The following AUTS2 variants were observed in gnomAD, a reference collection of about 807,000 sequenced individuals.
The protein encoded by AUTS2 is autism susceptibility gene 2 protein.
A neutral mutation model predicts 112.4 loss-of-function variants in AUTS2; 17 were observed. The ratio of observed to expected loss-of-function variants is 0.15; its 90% CI spans 0.10 to 0.23. The LOEUF (loss-of-function observed/expected upper bound fraction) is 0.23, where lower values mean the gene tolerates loss of function less well. Ranked by LOEUF, AUTS2 falls within the 10% of genes least tolerant of loss-of-function variation. AUTS2 has a pLI of 1.00. For synonymous variants in AUTS2, 751 were observed against 702.7 expected (o/e 1.07, Z -1.09); for missense variants, 1,510 against 1,701.6 (o/e 0.89, Z 1.98).
chr7:70,084,692 G>GT (rs1371711596), intron 2 of AUTS2, among the ~76,000 whole-genome samples: 3 of 151,968 alleles, frequency 2.0e-5, no homozygotes, highest in African/African-American at 7.3e-5. Context: ...GGTGAATTCT[G>GT]TTTATATCTT....
Position 70,764,891 on chromosome 7 carries a change from G to A in AUTS2, c.1354G>A (p.Ala452Thr), listed in dbSNP as rs749176066. 1.5e-4 allele frequency: 69 copies of A among 456,676 alleles called. No individual in the cohort carries two copies. The highest frequency in any genetic ancestry group is 1.8e-4 in the Non-Finnish European group (58 of 328,684). 28.3% of individuals were successfully genotyped at this position (456,676 alleles called of 1,614,324 possible). A position where few individuals can be genotyped will look rare whatever the true frequency, so the allele number is the denominator to read the frequency against. ...CTTCACACCCACCCTCCAGCCCCCC[G>A]CACACTCACATCACCCCAATATGTT... is the stretch of plus-strand genomic sequence containing the variant. Reference protein sequence around the residue: ...HSFTPTLQPPAHSHHPNMFAP... With the variant: ...HSFTPTLQPPTHSHHPNMFAP... The change falls in exon 8 of 19, where the codon GCA (alanine) becomes ACA (threonine). Residue 452 changes from alanine to threonine, a missense_variant. By Grantham distance (58) the Ala-to-Thr change is moderately conservative (BLOSUM62 0). Coordinates refer to ENST00000342771, the MANE Select transcript of AUTS2 (RefSeq NM_015570.4).
intron 4 of AUTS2, among the ~76,000 whole-genome samples, chr7:70,220,721 C>T (rs1409532791): frequency 6.6e-6 from 1 of 152,076 alleles, no homozygotes; most frequent in African/African-American, 2.4e-5. Flanking sequence ...CATAATGCCT[C>T]CTTTTAGAGG....
intron 2 of AUTS2, among the ~76,000 whole-genome samples, chr7:70,074,135 A>G (rs1802914297): frequency 6.6e-6 from 1 of 152,234 alleles, no homozygotes; most frequent in Non-Finnish European, 1.5e-5. Context: ...TACTTGGCAG[A>G]ATTGTTTGTC....
intron 4 of AUTS2, among the ~76,000 whole-genome samples, chr7:70,212,296 A>G (rs1372667980): frequency 6.6e-6 from 1 of 152,198 alleles, no homozygotes; most frequent in Non-Finnish European, 1.5e-5. Flanking sequence ...CTTTTTCCGC[A>G]GTACAGGGAG....
chr7:70,688,465 G>T (rs376708245), intron 5 of AUTS2, among the ~76,000 whole-genome samples: 1 of 152,290 alleles, frequency 6.6e-6, no homozygotes, highest in East Asian at 1.9e-4. Flanking sequence ...GCAAGACACA[G>T]TCCTTGGATA....
chr7:70,779,551 G>T lies in AUTS2; in HGVS notation c.2005-2064G>T, dbSNP rs57759557. Among the ~76,000 whole-genome samples the T allele has an allele frequency of 6.6e-3, 1,005 of 152,314 alleles. 13 individuals are homozygous for T. Among genetic ancestry groups the T allele is most frequent in the African/African-American group, 0.023 (938 of 41,556 alleles). ...GGTGATGGGTGAGTGGGACGTTGCC[G>T]TCAGCAGTAAGAGAACAGCAGACTT... On this transcript the variant is annotated intron_variant, in intron 14 of 18. Transcript: ENST00000342771.
intron 5 of AUTS2, among the ~76,000 whole-genome samples, chr7:70,544,364 A>G (rs1800682103): frequency 1.3e-5 from 2 of 152,236 alleles, no homozygotes; most frequent in South Asian, 2.1e-4. Flanking sequence ...CCAAAATACA[A>G]GAGTGAAAAC....
In AUTS2 at chr7:70,246,055, ACTTTTT is replaced by A. The variant is rs559551661; in HGVS notation, c.660+111488_660+111493del. The stretch of plus-strand genomic sequence containing the variant: ...ATCTATGTCTTTATTTTAATGTTGA[ACTTTTT>A]CTTATTCAGTTATAAGAGTGCTTTA... On this transcript the variant is annotated intron_variant, in intron 4 of 18. Coordinates refer to ENST00000342771, the MANE Select transcript of AUTS2 (RefSeq NM_015570.4). Among the ~76,000 whole-genome samples the A allele has an allele frequency of 1.7e-3, 253 of 152,030 alleles. 2 individuals carry two copies. Among genetic ancestry groups the A allele is most frequent in the Non-Finnish European group, 2.7e-3 (183 of 67,930 alleles).
intron 1 of AUTS2, among the ~76,000 whole-genome samples, chr7:69,818,178 G>A (rs577041589): frequency 6.6e-6 from 1 of 152,210 alleles, no homozygotes; most frequent in Non-Finnish European, 1.5e-5. Context: ...TGGTCCGTCA[G>A]AAACTAAGGT....
At chr7:69,702,440 G>C (rs1399891667) in intron 1 of AUTS2, among the ~76,000 whole-genome samples, 1 of 152,110 alleles carries the variant, frequency 6.6e-6, no homozygotes, top group African/African-American at 2.4e-5. Context: ...ACATACTTAG[G>C]GTCTGTAGGG....
At chr7:69,952,293 T>A (rs1797057286) in intron 2 of AUTS2, among the ~76,000 whole-genome samples, 1 of 152,194 alleles carries the variant, frequency 6.6e-6, no homozygotes, top group African/African-American at 2.4e-5. Context: ...AAGTAATTAA[T>A]GCTGAACATT....
chr7:69,797,650 T>C (rs1789905644), intron 1 of AUTS2, among the ~76,000 whole-genome samples: 1 of 152,182 alleles, frequency 6.6e-6, no homozygotes, highest in South Asian at 2.1e-4. Flanking sequence ...TGTGGGCTCT[T>C]GGCAGCCTCA....
intron 4 of AUTS2, among the ~76,000 whole-genome samples, chr7:70,324,929 C>CA (rs1790417614): frequency 6.6e-6 from 1 of 151,992 alleles, no homozygotes; most frequent in African/African-American, 2.4e-5. Flanking sequence ...ATTTTAGAGT[C>CA]AAAAAGACCC....
chr7:70,545,130 G>C (rs1245875896), intron 5 of AUTS2, among the ~76,000 whole-genome samples: 1 of 152,154 alleles, frequency 6.6e-6, no homozygotes, highest in East Asian at 1.9e-4. Flanking sequence ...TTCAAGTCTA[G>C]AAGAACTGTC....
chr7:69,979,685 C>A (rs995977205), intron 2 of AUTS2, among the ~76,000 whole-genome samples: 6 of 152,150 alleles, frequency 3.9e-5, no homozygotes, highest in Non-Finnish European at 5.9e-5. Flanking sequence ...GAAGAGTATG[C>A]AGTGCATCAA....
intron 5 of AUTS2, among the ~76,000 whole-genome samples, chr7:70,484,985 G>A (rs1797928899): frequency 6.6e-6 from 1 of 152,146 alleles, no homozygotes; most frequent in South Asian, 2.1e-4. Context: ...AAAAATAATA[G>A]ATGTTGCCGT....
At chr7:70,621,317 T>TG (rs1262539113) in intron 5 of AUTS2, among the ~76,000 whole-genome samples, 2 of 152,150 alleles carry the variant, frequency 1.3e-5, no homozygotes, top group Non-Finnish European at 1.5e-5. Flanking sequence ...GGGGGCAGGG[T>TG]GGGGGGTTCT....
intron 5 of AUTS2, among the ~76,000 whole-genome samples, chr7:70,565,791 GA>G (rs1212331866): frequency 6.6e-6 from 1 of 152,178 alleles, no homozygotes; most frequent in East Asian, 1.9e-4. Context: ...AATTGTATGA[GA>G]ATAGCATATA....
rs77367285 is a variant in AUTS2 at position 69,711,810 on chromosome 7, C to T, written c.309+111848C>T. On this transcript the variant is annotated intron_variant, in intron 1 of 18. Transcript: ENST00000342771. ...TTATTGGTTCTGAGGAAATGACTAT[C>T]CACAAAGTGTACATTTGTGTGTAAT... is the stretch of plus-strand genomic sequence containing the variant. 8.6e-3 allele frequency among the ~76,000 whole-genome samples: 1,312 copies of T among 152,186 alleles called. 14 individuals are homozygous for T. The highest frequency in any genetic ancestry group is 0.012 in the Non-Finnish European group (806 of 67,994).
Sources: gnomAD v4.1 joint callset for allele counts (sites outside exome capture counted in the v4.1 genomes callset) on GRCh38, gnomAD v4.1.1 for gene constraint, MANE v1.5 for transcripts, NCBI Gene and HGNC (gene_info 2026-07-23, HGNC 2026-07-21) for gene names.